The following BTBD9 variants were observed in gnomAD, a reference collection of about 807,000 sequenced individuals.
The protein encoded by BTBD9 is BTB domain containing 9, also known as BTB/POZ domain-containing protein 9.
Under a neutral mutation model 64.3 loss-of-function variants are expected in BTBD9, and 49 were observed. That is an observed-to-expected ratio of 0.76 (90% CI 0.61 to 0.97). The LOEUF (loss-of-function observed/expected upper bound fraction) is 0.97, where lower values mean the gene tolerates loss of function less well. BTBD9 is among the 50% of genes least tolerant of loss of function. BTBD9 has a pLI of 0.00. For missense variants in BTBD9, 598 were observed against 762.1 expected, an observed-to-expected ratio of 0.78 and a Z score of 2.53; for synonymous variants, 260 against 274.7, an observed-to-expected ratio of 0.95 and a Z score of 0.53.
chr6:38,452,861 T>G (rs938586348), intron 6 of BTBD9, among the ~76,000 whole-genome samples: 5 of 152,156 alleles, frequency 3.3e-5, no homozygotes, highest in African/African-American at 1.2e-4. Flanking sequence ...AACACCATTA[T>G]GCCTTTTCCT....
intron 6 of BTBD9, among the ~76,000 whole-genome samples, chr6:38,511,246 A>T (rs978255041): frequency 6.6e-6 from 1 of 152,036 alleles, no homozygotes; most frequent in Non-Finnish European, 1.5e-5. Context: ...TTCAAGACCT[A>T]GATAAATGTT....
intron 6 of BTBD9, among the ~76,000 whole-genome samples, chr6:38,452,783 C>A (rs548056960): frequency 3.3e-5 from 5 of 151,974 alleles, no homozygotes; most frequent in Admixed American, 1.3e-4. Context: ...GAAAGTAAAA[C>A]AATGATATGA....
rs1770836582 is a variant in BTBD9, at chr6:38,475,467, G to A, written c.1154+102133C>T. ...TCCTGCTCTGCAGCTATGGGTCTGT[G>A]AGGCTTCCCTCAGCATCTCAAAGCC... On this transcript the variant is annotated intron_variant, in intron 6 of 10. Coordinates refer to ENST00000481247, the MANE Select transcript of BTBD9 (RefSeq NM_001099272.2). Among the ~76,000 whole-genome samples, 6 of 152,170 alleles carry A rather than the reference G, an allele frequency of 3.9e-5. No individual in the cohort carries two copies. In the South Asian group the frequency reaches 1.2e-3, roughly 31 times the overall value.
At chr6:38,569,195 T>C (rs2814891) in intron 6 of BTBD9, among the ~76,000 whole-genome samples, 25,282 of 152,232 alleles carry the variant, frequency 0.17, 2,716 homozygotes, top group African/African-American at 0.3. Context: ...ACACATTATT[T>C]TGCCTGGAAG....
intron 6 of BTBD9, among the ~76,000 whole-genome samples, chr6:38,468,436 A>G (rs753699823): frequency 3.9e-5 from 6 of 152,236 alleles, no homozygotes; most frequent in Non-Finnish European, 5.9e-5. Flanking sequence ...CCAGAAATAC[A>G]TTTCTCTGCC....
chr6:38,543,512 G>A (rs1474456694), intron 6 of BTBD9, among the ~76,000 whole-genome samples: 6 of 152,148 alleles, frequency 3.9e-5, no homozygotes. Context: ...AATTTTCAAT[G>A]GGCTCGGTCA....
At chr6:38,523,606 A>C (rs1773360938) in intron 6 of BTBD9, among the ~76,000 whole-genome samples, 1 of 152,154 alleles carries the variant, frequency 6.6e-6, no homozygotes, top group African/African-American at 2.4e-5. Context: ...CCCTCCTCTA[A>C]GATTATCCAA....
At chr6:38,482,592 T>C (rs1771206356) in intron 6 of BTBD9, 1 of 152,204 alleles carries the variant, frequency 6.6e-6, no homozygotes, top group Non-Finnish European at 1.5e-5. Context: ...GAGTCCTTTC[T>C]ACTGATGTAG....
At chr6:38,581,563 A>G (rs1323483654) in intron 4 of BTBD9, among the ~76,000 whole-genome samples, 1 of 152,210 alleles carries the variant, frequency 6.6e-6, no homozygotes, top group Non-Finnish European at 1.5e-5. Context: ...CGTGTAAATT[A>G]TGCTTCACAG....
At chr6:38,313,032 C>G (rs1762896205) in intron 7 of BTBD9, among the ~76,000 whole-genome samples, 1 of 152,078 alleles carries the variant, frequency 6.6e-6, no homozygotes, top group African/African-American at 2.4e-5. Context: ...TCTTTCAATC[C>G]ATGGACATGA....
chr6:38,265,467 TC>T (rs1459172871), intron 8 of BTBD9, among the ~76,000 whole-genome samples: 6 of 151,702 alleles, frequency 4.0e-5, no homozygotes, highest in African/African-American at 1.5e-4. Flanking sequence ...GGCAAAACTT[TC>T]CAAAACTTGG....
intron 6 of BTBD9, among the ~76,000 whole-genome samples, chr6:38,488,941 G>A (rs1186654302): frequency 6.7e-6 from 1 of 149,250 alleles, no homozygotes; most frequent in Non-Finnish European, 1.5e-5. Context: ...CATCATCCAG[G>A]CTGGAGTACA....
chr6:38,288,723 G>A (rs571332856), intron 7 of BTBD9, among the ~76,000 whole-genome samples: 1 of 152,166 alleles, frequency 6.6e-6, no homozygotes, highest in East Asian at 1.9e-4. Flanking sequence ...CTTGAGGTCA[G>A]GAGTTTGAGA....
chr6:38,616,020 G>A (rs181951935), intron 1 of BTBD9, among the ~76,000 whole-genome samples: 120 of 152,270 alleles, frequency 7.9e-4, no homozygotes, highest in African/African-American at 2.5e-3. Context: ...AGTTACTCCA[G>A]TAACTTTATA....
chr6:38,519,904 A>G (rs1365876909), intron 6 of BTBD9, among the ~76,000 whole-genome samples: 2 of 152,342 alleles, frequency 1.3e-5, no homozygotes, highest in Admixed American at 6.5e-5. Flanking sequence ...AGGCAATAAT[A>G]AGCATTGCAG....
At chr6:38,410,402 G>A (rs1008278296) in intron 6 of BTBD9, among the ~76,000 whole-genome samples, 1 of 152,152 alleles carries the variant, frequency 6.6e-6, no homozygotes, top group African/African-American at 2.4e-5. Context: ...GAGCCCAGGA[G>A]GCTGGGGCTG....
intron 6 of BTBD9, among the ~76,000 whole-genome samples, chr6:38,364,240 G>A (rs1231370645): frequency 6.6e-6 from 1 of 152,106 alleles, no homozygotes; most frequent in Non-Finnish European, 1.5e-5. Context: ...TGATCTTGCA[G>A]CTGACTCTAC....
chr6:38,369,021 C>T (rs907270547), intron 6 of BTBD9, among the ~76,000 whole-genome samples: 9 of 152,318 alleles, frequency 5.9e-5, no homozygotes, highest in South Asian at 2.1e-4. Flanking sequence ...TAATTCATGC[C>T]GCCATACCTT....
intron 6 of BTBD9, among the ~76,000 whole-genome samples, chr6:38,365,773 A>C (rs908842609): frequency 2.6e-5 from 4 of 152,036 alleles, no homozygotes; most frequent in South Asian, 2.1e-4. Context: ...AAAAAAAAAA[A>C]AACATACTGA....
Sources: allele counts gnomAD v4.1 joint callset (sites outside exome capture counted in the v4.1 genomes callset), GRCh38; gene constraint gnomAD v4.1.1; transcripts MANE v1.5; gene names NCBI Gene and HGNC (gene_info 2026-07-23, HGNC 2026-07-21).